The following SLC9A8 variants were observed in gnomAD, a reference collection of about 807,000 sequenced individuals.
SLC9A8 encodes solute carrier family 9 member A8, also known as sodium/hydrogen exchanger 8.
In SLC9A8, 48 loss-of-function variants were observed where a neutral mutation model predicts 66.6. The ratio of observed to expected loss-of-function variants is 0.72; its 90% CI spans 0.57 to 0.92. The LOEUF (loss-of-function observed/expected upper bound fraction) is 0.92, where lower values mean the gene tolerates loss of function less well. Ranked by LOEUF, SLC9A8 falls within the 40% of genes least tolerant of loss-of-function variation. The pLI is 0.00. For synonymous variants in SLC9A8, 274 were observed against 282.6 expected, an observed-to-expected ratio of 0.97 and a Z score of 0.31; for missense variants, 599 against 747.3, an observed-to-expected ratio of 0.80 and a Z score of 2.31.
chr20:49,887,996 A>G lies in SLC9A8; in HGVS notation c.*60A>G, dbSNP rs572802152. 4.6e-4 allele frequency: 619 copies of G among 1,332,828 alleles called. 6 individuals carry two copies. The African/African-American group carries it at 8.2e-3, about 18-fold the overall frequency. 82.6% of individuals were successfully genotyped at this position (1,332,828 alleles called of 1,614,324 possible). A position where few individuals can be genotyped will look rare whatever the true frequency, so the allele number is the denominator to read the frequency against. On this transcript the variant is annotated 3_prime_UTR_variant, in exon 16 of 16. Transcript: ENST00000361573. ...GGATGGGCGTTTGCTGCGCACAGAC[A>G]CTCAGCAGGGGCCTCGCAGAGATGC...
intron 6 of SLC9A8, 72 bp from the exon 7 acceptor site, chr20:49,850,738 A>C (rs1211767484): frequency 7.6e-6 from 12 of 1,586,642 alleles, no homozygotes; most frequent in Non-Finnish European, 1.0e-5. Flanking sequence ...ACTAATGGAC[A>C]TTTAAATCTT....
chr20:49,816,664 T>C (rs904691510), intron 2 of SLC9A8, among the ~76,000 whole-genome samples: 2 of 152,152 alleles, frequency 1.3e-5, no homozygotes, highest in Admixed American at 1.3e-4. Context: ...AGAAATCCAG[T>C]TGAAACTACA....
intron 13 of SLC9A8, among the ~76,000 whole-genome samples, chr20:49,883,309 T>A (rs1181472913): frequency 6.6e-6 from 1 of 152,110 alleles, no homozygotes; most frequent in African/African-American, 2.4e-5. Flanking sequence ...GGACAGCATC[T>A]CGAGATAGGA....
At position 49,812,848 on chromosome 20, in the gene SLC9A8, A is replaced by C; in HGVS notation, c.-75A>C. On this transcript the variant is annotated 5_prime_UTR_variant, in exon 1 of 16. Transcript: ENST00000361573. ...CTCCCGCTCGCCCGCCCGCGCCTCC[A>C]GCGGAAGCCGGAAGCAAAAGCGGGT... is the stretch of plus-strand genomic sequence containing the variant. The C allele has an allele frequency of 1.4e-6, 2 of 1,474,194 alleles. No individual in the cohort carries two copies. Among genetic ancestry groups the C allele is most frequent in the Non-Finnish European group, 1.8e-6 (2 of 1,110,428 alleles). The allele number at this position is 1,474,194 out of a possible 1,614,324, so 91.3% of individuals were successfully genotyped here.
rs557121602 is a variant in SLC9A8 at position 49,887,403 on chromosome 20, G to A, written c.1639-426G>A. Among the ~76,000 whole-genome samples, 4 of 152,252 alleles carry A rather than the reference G, an allele frequency of 2.6e-5. No homozygotes were observed. The East Asian group carries it at 7.7e-4, about 29-fold the overall frequency. ...AGCTGCCGGTGTGTGCGCTCTTCCA[G>A]GAGCCAGGCAGCTCCAGTGACTGTG... On this transcript the variant is annotated intron_variant, in intron 15 of 15. Coordinates refer to ENST00000361573, the MANE Select transcript of SLC9A8 (RefSeq NM_015266.3).
chr20:49,845,026 C>G lies in SLC9A8; in HGVS notation c.349-10C>G, dbSNP rs1195508654. On this transcript the variant is annotated splice_polypyrimidine_tract_variant and intron_variant, in intron 4 of 15. Transcript: ENST00000361573. ...TCCATGCCCTTAAGATACTCATTTTCTATTTACAGGAAGAAGAAATGTTTC... is the reference window on the plus strand; with the variant it reads ...TCCATGCCCTTAAGATACTCATTTTGTATTTACAGGAAGAAGAAATGTTTC... The G allele has an allele frequency of 6.3e-7, 1 of 1,598,122 alleles. No individual in the cohort carries two copies. The highest frequency in any genetic ancestry group is 1.1e-5 in the South Asian group (1 of 90,676).
intron 13 of SLC9A8, among the ~76,000 whole-genome samples, chr20:49,881,253 T>G (rs2089616681): frequency 6.6e-6 from 1 of 152,282 alleles, no homozygotes; most frequent in Middle Eastern, 3.4e-3. Flanking sequence ...ATGCCCAGGG[T>G]CACGTGACCA....
chr20:49,876,374 T>C (rs2089429676), intron 11 of SLC9A8, among the ~76,000 whole-genome samples: 2 of 152,238 alleles, frequency 1.3e-5, no homozygotes, highest in African/African-American at 4.8e-5. Context: ...TACCCACTTC[T>C]GGCCTTGGCG....
At chr20:49,875,326 A>G (rs1362032849) in intron 11 of SLC9A8, among the ~76,000 whole-genome samples, 1 of 152,108 alleles carries the variant, frequency 6.6e-6, no homozygotes, top group Non-Finnish European at 1.5e-5. Flanking sequence ...GTAGTCAAAC[A>G]AGAGTTTAGG....
At position 49,889,758 on chromosome 20, in the gene SLC9A8, CT is replaced by C. The variant is rs926013572; in HGVS notation, c.*1823del. On this transcript the variant is annotated 3_prime_UTR_variant, in exon 16 of 16. Coordinates refer to ENST00000361573, the MANE Select transcript of SLC9A8 (RefSeq NM_015266.3). ...AGAGGGTAGGGACCTTTGCCTGCCC[CT>C]GGGCGAGTGCGGGCAGGGATCTGAG... 17 of 152,282 alleles carry C rather than the reference CT, an allele frequency of 1.1e-4. No individual in the cohort carries two copies. Among genetic ancestry groups the C allele is most frequent in the African/African-American group, 3.4e-4 (14 of 41,546 alleles). The allele number at this position is 152,282 out of a possible 1,614,324, so 9.4% of individuals were successfully genotyped here.
chr20:49,832,940 C>CT, intron 3 of SLC9A8, among the ~76,000 whole-genome samples: 1 of 151,688 alleles, frequency 6.6e-6, no homozygotes, highest in African/African-American at 2.4e-5. Context: ...GAGTCTCACT[C>CT]TATCACCCAG....
At chr20:49,822,969 C>G in intron 2 of SLC9A8, 92 bp from the exon 3 acceptor site, 2 of 1,001,360 alleles carry the variant, frequency 2.0e-6, no homozygotes, top group Non-Finnish European at 3.2e-6. Context: ...CTGTGAGGAC[C>G]CCCCCAGAAA....
rs575817557 is a variant in SLC9A8 at position 49,852,638 on chromosome 20, C to T, written c.569+1794C>T. Among the ~76,000 whole-genome samples the T allele has an allele frequency of 3.9e-5, 6 of 152,210 alleles. No homozygotes were observed. The South Asian group carries it at 6.2e-4, about 16-fold the overall frequency. On this transcript the variant is annotated intron_variant, in intron 7 of 15. Transcript: ENST00000361573. ...ATACATTTTTAAGTTGAACTTCTGG[C>T]GTTTAAAAGGCGAGGTCTTAAAGAT...
At chr20:49,849,789 T>TA in intron 6 of SLC9A8, 109 bp downstream of exon 6, 1 of 826,242 alleles carries the variant, frequency 1.2e-6, no homozygotes, top group Non-Finnish European at 2.0e-6. Flanking sequence ...GTTTCACCCT[T>TA]AAGGTAAATT....
At chr20:49,862,526 G>T (rs1057470857) in intron 8 of SLC9A8, among the ~76,000 whole-genome samples, 7 of 152,188 alleles carry the variant, frequency 4.6e-5, no homozygotes, top group South Asian at 2.1e-4. Context: ...CTCCCAAAGT[G>T]CTGGGATTAC....
chr20:49,846,895 C>T (rs626064), intron 5 of SLC9A8, among the ~76,000 whole-genome samples: 48,527 of 151,816 alleles, frequency 0.32, 9,308 homozygotes, highest in South Asian at 0.57. Flanking sequence ...TGCACTCCAG[C>T]CTGAGTGATA....
intron 10 of SLC9A8, among the ~76,000 whole-genome samples, chr20:49,872,499 T>C (rs1427224632): frequency 6.6e-6 from 1 of 151,994 alleles, no homozygotes; most frequent in Non-Finnish European, 1.5e-5. Flanking sequence ...TGTTTGTTTG[T>C]TTTTGAGACA....
intron 3 of SLC9A8, among the ~76,000 whole-genome samples, chr20:49,834,719 TAAA>T (rs1416348315): frequency 3.3e-5 from 5 of 151,908 alleles, no homozygotes; most frequent in Admixed American, 3.3e-4. Context: ...TCATAAATAA[TAAA>T]AAGACGCAGG....
chr20:49,863,062 G>A lies in SLC9A8; in HGVS notation c.847G>A (p.Ala283Thr). 6.2e-7 allele frequency: 1 copy of A among 1,612,000 alleles called. No individual in the cohort carries two copies. Among genetic ancestry groups the A allele is most frequent in the Non-Finnish European group, 8.5e-7 (1 of 1,179,076 alleles). The part of the protein sequence containing the change: ...ALGTLTGLIS[A>T]LVLKHIDLRK... ...CGGCACTCTCACTGGCTTAATTTCTGCATTAATATCCTTTTAATGTGATGA... is the reference window on the plus strand; with the variant it reads ...CGGCACTCTCACTGGCTTAATTTCTACATTAATATCCTTTTAATGTGATGA... Residue 283 changes from alanine to threonine, a missense_variant, in exon 9 of 16, where the codon GCA (alanine) becomes ACA (threonine). Physicochemically the swap from Ala to Thr is moderately conservative, Grantham distance 58. Around this residue, in one of 2 missense-constraint regions of SLC9A8, gnomAD observed 467 missense variants for 626.5 expected, o/e 0.75. Transcript: ENST00000361573.
Sources: gnomAD v4.1 joint callset for allele counts (sites outside exome capture counted in the v4.1 genomes callset) on GRCh38, gnomAD v4.1.1 for gene constraint, gnomAD v4.1.1 regional missense constraint, MANE v1.5 for transcripts, NCBI Gene and HGNC (gene_info 2026-07-23, HGNC 2026-07-21) for gene names.